Variants in GALNT17 observed in about 807,000 individuals in gnomAD.
GALNT17 encodes polypeptide N-acetylgalactosaminyltransferase 17, also known as UDP-GalNAc:polypeptide N-acetylgalactosaminyltransferase-like 3.
Under a neutral mutation model 63.7 loss-of-function variants are expected in GALNT17, and 29 were observed. That is an observed-to-expected ratio of 0.46 (90% CI 0.34 to 0.62). GALNT17 has a LOEUF of 0.62. GALNT17 is among the 20% of genes least tolerant of loss of function. The probability of loss-of-function intolerance (pLI) is 0.01; values close to 1 mark genes in which losing one functional copy is unlikely to be tolerated. For synonymous variants in GALNT17, 305 were observed against 318.3 expected (o/e 0.96, Z 0.45); for missense variants, 603 against 799.6 (o/e 0.75, Z 2.97).
intron 9 of GALNT17, among the ~76,000 whole-genome samples, chr7:71,699,914 T>C (rs58115722): frequency 0.15 from 22,163 of 151,778 alleles, 1,860 homozygotes; most frequent in African/African-American, 0.22. Context: ...GCCTGAGTGA[T>C]GGAGTGAGAC....
intron 6 of GALNT17, among the ~76,000 whole-genome samples, chr7:71,603,193 G>A (rs933705589): frequency 2.6e-5 from 4 of 151,812 alleles, no homozygotes; most frequent in African/African-American, 9.7e-5. Flanking sequence ...TGGATATTAT[G>A]CTAAGTGCAT....
intron 9 of GALNT17, among the ~76,000 whole-genome samples, chr7:71,708,228 T>C (rs1004067062): frequency 2.0e-5 from 3 of 152,148 alleles, no homozygotes; most frequent in African/African-American, 7.2e-5. Flanking sequence ...GGGTAATTTA[T>C]AAAGAAAAAG....
intron 6 of GALNT17, among the ~76,000 whole-genome samples, chr7:71,634,626 T>A (rs1293646128): frequency 6.6e-6 from 1 of 151,794 alleles, no homozygotes; most frequent in African/African-American, 2.4e-5. Flanking sequence ...TGGTGGCCAG[T>A]ACCTGTAGTC....
chr7:71,162,079 TC>T (rs1788353381), intron 1 of GALNT17, among the ~76,000 whole-genome samples: 1 of 96,858 alleles, frequency 1.0e-5, no homozygotes, highest in South Asian at 4.1e-4. Context: ...CTTCCTTCCT[TC>T]TTTCCTTCCT....
chr7:71,233,879 G>A (rs1789838535), intron 1 of GALNT17, among the ~76,000 whole-genome samples: 1 of 152,144 alleles, frequency 6.6e-6, no homozygotes, highest in Non-Finnish European at 1.5e-5. Context: ...GAGGCCTCAG[G>A]AAAATCATGG....
chr7:71,606,978 C>A (rs1790056838), intron 6 of GALNT17, among the ~76,000 whole-genome samples: 1 of 152,152 alleles, frequency 6.6e-6, no homozygotes, highest in Admixed American at 6.5e-5. Context: ...GGCCCATCCC[C>A]ACAAGATCAC....
At chr7:71,385,044 GGCAGTGCATGGT>G (rs1044576950) in intron 2 of GALNT17, among the ~76,000 whole-genome samples, 1 of 152,174 alleles carries the variant, frequency 6.6e-6, no homozygotes, top group African/African-American at 2.4e-5. Context: ...ATTGGGGTGG[GGCAGTGCATGGT>G]GATTGGTCCT....
chr7:71,454,074 C>T (rs926312599), intron 5 of GALNT17, among the ~76,000 whole-genome samples: 2 of 152,168 alleles, frequency 1.3e-5, no homozygotes, highest in Non-Finnish European at 2.9e-5. Context: ...GAAGAATGAT[C>T]GGGTTCATAC....
intron 6 of GALNT17, among the ~76,000 whole-genome samples, chr7:71,591,097 C>G (rs1789793122): frequency 6.6e-6 from 1 of 151,804 alleles, no homozygotes; most frequent in Non-Finnish European, 1.5e-5. Context: ...CGCTCTGTCT[C>G]CCATGCTGGA....
chr7:71,290,379 GCTGC>G (rs1249771748), intron 1 of GALNT17, among the ~76,000 whole-genome samples: 5 of 152,188 alleles, frequency 3.3e-5, no homozygotes, highest in Non-Finnish European at 5.9e-5. Context: ...CATCTAGGGA[GCTGC>G]TCTGGATTGC....
chr7:71,415,587 C>A (rs1793509043), intron 3 of GALNT17, among the ~76,000 whole-genome samples: 1 of 152,090 alleles, frequency 6.6e-6, no homozygotes, highest in Non-Finnish European at 1.5e-5. Context: ...GGAAGGGCCA[C>A]TAAGAAAAGG....
intron 2 of GALNT17, among the ~76,000 whole-genome samples, chr7:71,371,712 T>A (rs913294934): frequency 1.3e-5 from 2 of 152,212 alleles, no homozygotes; most frequent in African/African-American, 4.8e-5. Flanking sequence ...TTTCCCTATA[T>A]TTATAATTCT....
intron 8 of GALNT17, among the ~76,000 whole-genome samples, chr7:71,675,524 G>A (rs912297747): frequency 2.0e-5 from 3 of 151,884 alleles, no homozygotes; most frequent in Non-Finnish European, 2.9e-5. Context: ...TTGGGAGGCT[G>A]AGGTGGGAGG....
intron 5 of GALNT17, among the ~76,000 whole-genome samples, chr7:71,506,545 G>A (rs1355412184): frequency 1.3e-5 from 2 of 152,140 alleles, no homozygotes; most frequent in Non-Finnish European, 2.9e-5. Context: ...GGGATTACAG[G>A]CGTGAGCTAC....
At chr7:71,545,918 T>C (rs1478055206) in intron 5 of GALNT17, among the ~76,000 whole-genome samples, 1 of 152,190 alleles carries the variant, frequency 6.6e-6, no homozygotes, top group African/African-American at 2.4e-5. Context: ...GAGGCTACTG[T>C]GCATGTACAT....
intron 5 of GALNT17, among the ~76,000 whole-genome samples, chr7:71,482,875 C>G (rs552150632): frequency 1.3e-5 from 2 of 152,082 alleles, no homozygotes; most frequent in Non-Finnish European, 2.9e-5. Context: ...CCTGCACATG[C>G]GTAGTTCACA....
chr7:71,499,202 A>G (rs1788141545), intron 5 of GALNT17, among the ~76,000 whole-genome samples: 2 of 152,122 alleles, frequency 1.3e-5, no homozygotes, highest in Admixed American at 1.3e-4. Context: ...CTGAATGTTA[A>G]TATTCTTACC....
intron 6 of GALNT17, among the ~76,000 whole-genome samples, chr7:71,633,104 A>AG (rs1790479329): frequency 3.0e-5 from 1 of 33,158 alleles, no homozygotes; most frequent in African/African-American, 7.3e-5. Context: ...ACTCTGTCTC[A>AG]AAAAAAAAAA....
intron 1 of GALNT17, among the ~76,000 whole-genome samples, chr7:71,238,156 C>T (rs990913935): frequency 3.3e-5 from 5 of 152,094 alleles, no homozygotes; most frequent in Non-Finnish European, 5.9e-5. Flanking sequence ...AGGCAGAGGG[C>T]AGAGCAGCCA....
Sources: allele counts gnomAD v4.1 joint callset (sites outside exome capture counted in the v4.1 genomes callset), GRCh38; gene constraint gnomAD v4.1.1; transcripts MANE v1.5; gene names NCBI Gene and HGNC (gene_info 2026-07-23, HGNC 2026-07-21).